SDHC: variants seen among roughly 807,000 people sequenced by gnomAD.
SDHC encodes the protein succinate dehydrogenase complex subunit C.
Under a neutral mutation model 22.6 loss-of-function variants are expected in SDHC, and 11 were observed. The ratio of observed to expected loss-of-function variants is 0.49; its 90% CI spans 0.31 to 0.81. The LOEUF is 0.81. Among genes scored for constraint, SDHC ranks in the 30% least tolerant of loss-of-function variants. SDHC has a pLI of 0.05. For missense variants in SDHC, 160 were observed against 212.0 expected (o/e 0.75, Z 1.52); for synonymous variants, 80 against 77.8 (o/e 1.03, Z -0.15).
intron 5 of SDHC, among the ~76,000 whole-genome samples, chr1:161,358,738 C>G (rs565209434): frequency 6.6e-6 from 1 of 151,902 alleles, no homozygotes; most frequent in Non-Finnish European, 1.5e-5. Flanking sequence ...ACCAGCCTTA[C>G]CAACATGGAG....
chr1:161,328,949 C>T (rs1293314510), intron 3 of SDHC, among the ~76,000 whole-genome samples: 1 of 152,000 alleles, frequency 6.6e-6, no homozygotes, highest in Non-Finnish European at 1.5e-5. Flanking sequence ...TGCTCTGTTG[C>T]CAGGCTGGAG....
intron 4 of SDHC, among the ~76,000 whole-genome samples, chr1:161,342,026 A>G (rs533722354): frequency 6.6e-6 from 1 of 152,074 alleles, no homozygotes; most frequent in Non-Finnish European, 1.5e-5. Context: ...TTATAATCAT[A>G]TTTTTTGGCT....
intron 2 of SDHC, among the ~76,000 whole-genome samples, chr1:161,327,209 G>A (rs903339724): frequency 2.0e-5 from 3 of 152,178 alleles, no homozygotes; most frequent in Admixed American, 6.5e-5. Context: ...GATTATAGGC[G>A]TGAGCCACCA....
At chr1:161,344,769 T>C (rs1671837867) in intron 4 of SDHC, among the ~76,000 whole-genome samples, 2 of 152,206 alleles carry the variant, frequency 1.3e-5, no homozygotes, top group Admixed American at 1.3e-4. Context: ...TCAGAATTCA[T>C]GGGATTTCAA....
chr1:161,360,543 G>A (rs1672466780), intron 5 of SDHC, among the ~76,000 whole-genome samples: 1 of 127,152 alleles, frequency 7.9e-6, no homozygotes, highest in Non-Finnish European at 1.9e-5. Flanking sequence ...GTGACAAAGT[G>A]AGACCCTGTC....
chr1:161,339,634 A>G (rs902879566), intron 3 of SDHC: 1 of 396,524 alleles, frequency 2.5e-6, no homozygotes, highest in Non-Finnish European at 3.4e-6. Flanking sequence ...TCTTTAATTT[A>G]TTTTTGTAAC....
At chr1:161,349,296 C>T (rs1672020535) in intron 4 of SDHC, among the ~76,000 whole-genome samples, 1 of 151,960 alleles carries the variant, frequency 6.6e-6, no homozygotes, top group Non-Finnish European at 1.5e-5. Flanking sequence ...AATCCCATCT[C>T]TACTAAAAAT....
chr1:161,332,790 CCTGA>C (rs755996012), intron 3 of SDHC, among the ~76,000 whole-genome samples: 5 of 152,038 alleles, frequency 3.3e-5, no homozygotes, highest in Non-Finnish European at 7.4e-5. Context: ...CATCACCATG[CCTGA>C]CTAATTTTTG....
At chr1:161,335,441 G>A (rs1483902753) in intron 3 of SDHC, among the ~76,000 whole-genome samples, 2 of 152,092 alleles carry the variant, frequency 1.3e-5, no homozygotes, top group Non-Finnish European at 2.9e-5. Flanking sequence ...TTATTACTGT[G>A]ATAGTTGCCA....
intron 1 of SDHC, chr1:161,314,765 C>T (rs992029710): frequency 2.7e-6 from 1 of 367,156 alleles, no homozygotes; most frequent in Non-Finnish European, 5.0e-6. Context: ...GTCAGCCACC[C>T]ATGGGTCCTA....
At chr1:161,362,215 G>C (rs78440874) in intron 5 of SDHC, 114 bp from the exon 6 acceptor site, 6 of 1,314,690 alleles carry the variant, frequency 4.6e-6, no homozygotes, top group Non-Finnish European at 6.4e-6. Context: ...CTTTTCTCTA[G>C]AATCATGCTG....
rs189909514 is a variant in SDHC at position 161,328,992 on chromosome 1, C to G, written c.179+495C>G. ...GCGCGATCTCAGCTCACTGCATCCT[C>G]TGCCTCCCGGGTTCAAGCGATTCTC... On this transcript the variant is annotated intron_variant, in intron 3 of 5. Transcript: ENST00000367975. Among the ~76,000 whole-genome samples the G allele has an allele frequency of 3.4e-4, 51 of 152,222 alleles. No individual in the cohort carries two copies. In the East Asian group the frequency reaches 8.7e-3, roughly 26 times the overall value.
At chr1:161,336,152 T>C (rs907892817) in intron 3 of SDHC, among the ~76,000 whole-genome samples, 2 of 152,146 alleles carry the variant, frequency 1.3e-5, no homozygotes, top group African/African-American at 4.8e-5. Context: ...GAAACTTTCT[T>C]TTTTAAGAGA....
chr1:161,345,768 T>A (rs952483618), intron 4 of SDHC, among the ~76,000 whole-genome samples: 1 of 151,786 alleles, frequency 6.6e-6, no homozygotes, highest in Admixed American at 6.6e-5. Flanking sequence ...TGTAATTATT[T>A]TATTTGCTAA....
intron 1 of SDHC, among the ~76,000 whole-genome samples, chr1:161,317,550 G>GTGTGTGTGGT (rs1670666595): frequency 1.2e-4 from 7 of 59,900 alleles, no homozygotes; most frequent in African/African-American, 6.9e-4. Flanking sequence ...TGTGTGTGTG[G>GTGTGTGTGGT]TTTTTTTTTT....
intron 1 of SDHC, among the ~76,000 whole-genome samples, chr1:161,319,222 A>AAAATAAAT (rs35327704): frequency 0.011 from 1,622 of 150,866 alleles, 11 homozygotes; most frequent in Middle Eastern, 0.017. Flanking sequence ...ACTCTGTCTT[A>AAAATAAAT]AAATAAATAA....
At chr1:161,338,143 T>G (rs4656297) in intron 3 of SDHC, among the ~76,000 whole-genome samples, 69,992 of 151,960 alleles carry the variant, frequency 0.46, 17,749 homozygotes, top group African/African-American at 0.69. Context: ...TGGTTATGTG[T>G]CTGTTCTTCC....
intron 4 of SDHC, among the ~76,000 whole-genome samples, chr1:161,345,262 T>G (rs970949147): frequency 6.6e-6 from 1 of 152,188 alleles, no homozygotes; most frequent in Non-Finnish European, 1.5e-5. Flanking sequence ...CCTGACCTCT[T>G]GCTGCACTGT....
intron 3 of SDHC, among the ~76,000 whole-genome samples, chr1:161,328,961 G>T (rs1671171645): frequency 6.6e-6 from 1 of 152,062 alleles, no homozygotes; most frequent in South Asian, 2.1e-4. Flanking sequence ...AGGCTGGAGT[G>T]TAGTGGCGCG....
Sources: gnomAD v4.1 joint callset for allele counts (sites outside exome capture counted in the v4.1 genomes callset) on GRCh38, gnomAD v4.1.1 for gene constraint, MANE v1.5 for transcripts, NCBI Gene and HGNC (gene_info 2026-07-23, HGNC 2026-07-21) for gene names.